WDR44: variants seen among roughly 807,000 people sequenced by gnomAD.
WDR44 encodes WD repeat-containing protein 44.
A neutral mutation model predicts 65.7 loss-of-function variants in WDR44; 9 were observed. That is an observed-to-expected ratio of 0.14 (90% CI 0.08 to 0.24). The LOEUF (loss-of-function observed/expected upper bound fraction) is 0.24. WDR44 is among the 10% of genes least tolerant of loss of function. The pLI is 1.00. For missense variants in WDR44, 425 were observed against 670.9 expected (o/e 0.63, Z 4.05); for synonymous variants, 220 against 235.2 (o/e 0.94, Z 0.59).
intron 13 of WDR44, among the ~76,000 whole-genome samples, chrX:118,435,930 G>GT (rs1389347057): frequency 8.0e-5 from 9 of 112,060 alleles, no homozygotes; most frequent in Admixed American, 6.7e-4. Flanking sequence ...GCCTTGATTT[G>GT]TTTAGCACCT....
intron 2 of WDR44, among the ~76,000 whole-genome samples, chrX:118,380,283 C>T (rs6646181): frequency 0.15 from 16,212 of 110,032 alleles, 2,085 homozygotes; most frequent in African/African-American, 0.4. Flanking sequence ...TATAGTTCTG[C>T]GCCAATTTAT....
rs181825726 is a variant in WDR44, at chrX:118,348,230, G to T, written c.77+1650G>T. Among the ~76,000 whole-genome samples the T allele has an allele frequency of 9.8e-5, 11 of 112,201 alleles. No homozygotes were observed. The Admixed American group carries it at 1.0e-3, about 11-fold the overall frequency. ...CAGAGAAAGCATTCAAAATGTTCAT[G>T]CTTTTCTCCTTCCTTTCTTGGCATT... On this transcript the variant is annotated intron_variant, in intron 1 of 19. Coordinates refer to ENST00000254029, the MANE Select transcript of WDR44 (RefSeq NM_019045.5).
intron 9 of WDR44, among the ~76,000 whole-genome samples, chrX:118,404,905 T>G (rs1442823079): frequency 1.8e-5 from 2 of 111,111 alleles, no homozygotes; most frequent in Non-Finnish European, 3.8e-5. Flanking sequence ...TTTCACTGTG[T>G]TAGCCAGGAT....
intron 18 of WDR44, 96 bp downstream of exon 18, chrX:118,443,783 GC>G: frequency 1.1e-6 from 1 of 939,485 alleles, no homozygotes; most frequent in Non-Finnish European, 1.4e-6. Flanking sequence ...AGTGGCTCAC[GC>G]CTGTAATCCC....
intron 13 of WDR44, among the ~76,000 whole-genome samples, chrX:118,433,619 A>G (rs966129147): frequency 9.0e-6 from 1 of 111,683 alleles, no homozygotes; most frequent in Non-Finnish European, 1.9e-5. Context: ...GACATAATAA[A>G]AATACCTTCC....
chrX:118,354,713 A>G (rs2056444407), intron 1 of WDR44, among the ~76,000 whole-genome samples: 1 of 111,828 alleles, frequency 8.9e-6, no homozygotes, highest in Non-Finnish European at 1.9e-5. Context: ...TCTAATAGGT[A>G]TCCTATACAG....
chrX:118,404,723 T>C (rs1408773515), intron 9 of WDR44, among the ~76,000 whole-genome samples: 1 of 111,699 alleles, frequency 9.0e-6, no homozygotes, highest in Non-Finnish European at 1.9e-5. Flanking sequence ...TTATTTGAGA[T>C]GGAGTCTTAC....
chrX:118,398,208 G>C (rs1278036586), intron 7 of WDR44, among the ~76,000 whole-genome samples, 179 bp from the exon 8 acceptor site: 1 of 112,119 alleles, frequency 8.9e-6, no homozygotes, highest in Non-Finnish European at 1.9e-5. Context: ...CTGCACTGCA[G>C]CTTGGGCGAC....
intron 1 of WDR44, among the ~76,000 whole-genome samples, chrX:118,375,523 A>G (rs1345722073): frequency 9.1e-6 from 1 of 109,889 alleles, no homozygotes; most frequent in Non-Finnish European, 1.9e-5. Context: ...CTCAAAAAAA[A>G]AAAAAAAAAC....
intron 1 of WDR44, among the ~76,000 whole-genome samples, chrX:118,374,247 G>A: frequency 9.0e-6 from 1 of 111,446 alleles, no homozygotes; most frequent in Middle Eastern, 4.6e-3. Context: ...ACTAAATAAT[G>A]TTTTTTATTG....
Position 118,449,034 on chromosome X carries a change from A to G in WDR44, c.*47A>G, listed in dbSNP as rs1348332299. On this transcript the variant is annotated 3_prime_UTR_variant, in exon 20 of 20. Transcript: ENST00000254029. Reference sequence around the variant, plus strand: ...AACATATCAGTAAGTTTCTATATGTATCAAAACTGAAAAAATAGTGTTCCA... The same window carrying G: ...AACATATCAGTAAGTTTCTATATGTGTCAAAACTGAAAAAATAGTGTTCCA... 1.2e-6 allele frequency: 1 copy of G among 847,385 alleles called. No individual in the cohort carries two copies. Among genetic ancestry groups the G allele is most frequent in the Admixed American group, 3.0e-5 (1 of 33,454 alleles). 69.8% of individuals were successfully genotyped at this position (847,385 alleles called of 1,213,427 possible). A position where few individuals can be genotyped will look rare whatever the true frequency, so the allele number is the denominator to read the frequency against.
chrX:118,448,844 T>C, intron 19 of WDR44, 49 bp from the exon 20 acceptor site: 1 of 932,212 alleles, frequency 1.1e-6, no homozygotes, highest in East Asian at 3.2e-5. Flanking sequence ...GGCAGCAGGC[T>C]TCATATTCCT....
At chrX:118,395,588 A>C (rs1295813115) in intron 6 of WDR44, among the ~76,000 whole-genome samples, 1 of 112,060 alleles carries the variant, frequency 8.9e-6, no homozygotes, top group Non-Finnish European at 1.9e-5. Context: ...TACAGAAGAA[A>C]AAATGAAAAT....
intron 1 of WDR44, among the ~76,000 whole-genome samples, chrX:118,352,061 A>T (rs1456407703): frequency 1.9e-5 from 2 of 107,763 alleles, no homozygotes; most frequent in African/African-American, 6.8e-5. Flanking sequence ...ATCTGTATAA[A>T]CTCCTGTAAA....
Position 118,393,040 on chromosome X carries a change from T to C in WDR44, c.595T>C (p.Ser199Pro). Residue 199 changes from serine (S) to proline (P), a missense_variant, in exon 4 of 20, where the codon TCT becomes CCT. Ser to Pro is a moderately conservative substitution (Grantham distance 74). This residue lies in a region of WDR44 where 193 missense variants were observed against 209.0 expected (regional missense o/e 0.92). Transcript: ENST00000254029. ...AGAGCCTGTGTCCTCAGACTCCTTA[T>C]CTACTAAAGATTTTGCCGCTGTGGA... ...VLEPVSSDSL[S>P]TKDFAAVEEV... 5.8e-6 allele frequency: 7 copies of C among 1,211,766 alleles called. No homozygotes were observed. Among genetic ancestry groups the C allele is most frequent in the Middle Eastern group, 2.3e-4 (1 of 4,354 alleles).
At chrX:118,406,594 A>G (rs966803751) in intron 9 of WDR44, among the ~76,000 whole-genome samples, 3 of 111,101 alleles carry the variant, frequency 2.7e-5, no homozygotes, top group Non-Finnish European at 5.7e-5. Flanking sequence ...TAGAAACCCT[A>G]TGAGGTAAGT....
intron 1 of WDR44, among the ~76,000 whole-genome samples, chrX:118,371,291 G>C (rs1388008711): frequency 9.0e-6 from 1 of 111,712 alleles, no homozygotes; most frequent in Non-Finnish European, 1.9e-5. Context: ...AGTTTCCGGG[G>C]GTTGGGGGAG....
intron 12 of WDR44, among the ~76,000 whole-genome samples, chrX:118,428,310 A>G (rs2057176852): frequency 9.2e-6 from 1 of 108,982 alleles, no homozygotes; most frequent in Admixed American, 9.9e-5. Context: ...TAATAATAAT[A>G]ATGATTATTT....
chrX:118,398,141 G>A (rs1262283218), intron 7 of WDR44, among the ~76,000 whole-genome samples: 1 of 111,916 alleles, frequency 8.9e-6, no homozygotes, highest in East Asian at 2.8e-4. Context: ...GGAGGCTGAG[G>A]CAGGAGAATT....
Sources: allele counts gnomAD v4.1 joint callset (sites outside exome capture counted in the v4.1 genomes callset), GRCh38; gene constraint gnomAD v4.1.1; regional missense constraint gnomAD v4.1.1; transcripts MANE v1.5; gene names NCBI Gene and HGNC (gene_info 2026-07-23, HGNC 2026-07-21).